The following CCDC141 variants were observed in gnomAD, a reference collection of about 807,000 sequenced individuals.
The protein encoded by CCDC141 is coiled-coil domain containing 141, also known as coiled-coil domain-containing protein 141.
A neutral mutation model predicts 181.0 loss-of-function variants in CCDC141; 168 were observed. The ratio of observed to expected loss-of-function variants is 0.93; its 90% CI spans 0.82 to 1.05. CCDC141 has a LOEUF of 1.05. Ranked by LOEUF, CCDC141 falls within the 50% of genes least tolerant of loss-of-function variation. The pLI, the probability that CCDC141 is intolerant of heterozygous loss-of-function variation, is 0.00. For synonymous variants in CCDC141, 666 were observed against 642.3 expected (o/e 1.04, Z -0.56); for missense variants, 1,902 against 1,788.5 (o/e 1.06, Z -1.14).
intron 2 of CCDC141, among the ~76,000 whole-genome samples, chr2:178,979,607 G>T (rs1691276717): frequency 6.6e-6 from 1 of 152,054 alleles, no homozygotes; most frequent in South Asian, 2.1e-4. Context: ...TCCCTAAAAA[G>T]AAATACTTTT....
intron 7 of CCDC141, among the ~76,000 whole-genome samples, chr2:178,908,481 C>T (rs749023169): frequency 5.3e-5 from 8 of 152,160 alleles, no homozygotes; most frequent in African/African-American, 4.8e-5. Flanking sequence ...TGTGAGCCAC[C>T]GCGCCCAGCC....
intron 5 of CCDC141, among the ~76,000 whole-genome samples, chr2:178,949,966 C>T (rs1689883211): frequency 6.6e-6 from 1 of 152,186 alleles, no homozygotes; most frequent in South Asian, 2.1e-4. Flanking sequence ...ATTTGTTCTA[C>T]AATATGAAAT....
chr2:178,963,015 C>A (rs898602664), intron 4 of CCDC141, among the ~76,000 whole-genome samples: 12 of 152,284 alleles, frequency 7.9e-5, no homozygotes, highest in Middle Eastern at 3.4e-3. Context: ...TCTGTCTTTG[C>A]CACTAGGCTC....
chr2:178,886,080 G>T (rs1460270807), intron 10 of CCDC141, among the ~76,000 whole-genome samples: 1 of 152,194 alleles, frequency 6.6e-6, no homozygotes, highest in Non-Finnish European at 1.5e-5. Context: ...GTGTTTGTGA[G>T]TTTCCGGTGG....
At chr2:178,899,005 G>C (rs1687548913) in intron 8 of CCDC141, among the ~76,000 whole-genome samples, 1 of 151,998 alleles carries the variant, frequency 6.6e-6, no homozygotes, top group South Asian at 2.1e-4. Flanking sequence ...ATTACCCTCA[G>C]TATTTTTTTA....
At chr2:178,872,391 G>C in intron 12 of CCDC141, 79 bp from the exon 13 acceptor site, 1 of 1,303,106 alleles carries the variant, frequency 7.7e-7, no homozygotes, top group Non-Finnish European at 1.1e-6. Flanking sequence ...TATTTTACGA[G>C]GCAAATTCTT....
At chr2:178,879,954 TA>T (rs548689104) in intron 11 of CCDC141, among the ~76,000 whole-genome samples, 260 of 152,234 alleles carry the variant, frequency 1.7e-3, no homozygotes, top group Middle Eastern at 3.4e-3. Context: ...CGTGCTGGGA[TA>T]AAACTGGCCA....
intron 11 of CCDC141, 44 bp downstream of exon 11, chr2:178,884,857 G>A: frequency 6.8e-7 from 1 of 1,468,616 alleles, no homozygotes; most frequent in South Asian, 1.2e-5. Flanking sequence ...AAGGACATGG[G>A]CAGTGGCCAC....
chr2:178,913,151 AG>A (rs1688293733), intron 7 of CCDC141, among the ~76,000 whole-genome samples: 1 of 152,236 alleles, frequency 6.6e-6, no homozygotes, highest in African/African-American at 2.4e-5. Flanking sequence ...TGGCAAGAAT[AG>A]GAACACAACA....
At chr2:178,836,052 T>C (rs1343126893) in intron 23 of CCDC141, 1 of 152,636 alleles carries the variant, frequency 6.6e-6, no homozygotes, top group Admixed American at 6.5e-5. Flanking sequence ...AATGCTATTT[T>C]ACTTAATCTT....
intron 2 of CCDC141, among the ~76,000 whole-genome samples, chr2:178,994,327 G>A (rs1337710521): frequency 6.6e-6 from 1 of 152,230 alleles, no homozygotes; most frequent in Non-Finnish European, 1.5e-5. Context: ...TGACTTCTGT[G>A]TACCCACAGG....
chr2:178,856,515 G>T, intron 17 of CCDC141, 118 bp from the exon 18 acceptor site: 43 of 693,446 alleles, frequency 6.2e-5, no homozygotes, highest in South Asian at 3.6e-4. Flanking sequence ...AGGTATTTAG[G>T]GTAATTTTCC....
chr2:178,924,859 C>T (rs1018579552), intron 6 of CCDC141, among the ~76,000 whole-genome samples: 2 of 152,154 alleles, frequency 1.3e-5, no homozygotes, highest in Non-Finnish European at 2.9e-5. Flanking sequence ...TGCGACTGAA[C>T]CAGGGAGAGC....
chr2:179,016,201 A>C (rs2042536704), intron 2 of CCDC141, among the ~76,000 whole-genome samples: 1 of 136,384 alleles, frequency 7.3e-6, no homozygotes, highest in African/African-American at 2.7e-5. Context: ...TGGGGGGAAG[A>C]GTGAGGGGGG....
intron 6 of CCDC141, among the ~76,000 whole-genome samples, chr2:178,932,634 C>A (rs188729260): frequency 8.5e-5 from 13 of 152,270 alleles, no homozygotes; most frequent in African/African-American, 2.2e-4. Flanking sequence ...TATGTGCACA[C>A]AATACACAAT....
In CCDC141 at chr2:178,860,543, CTTTTTTTTTTTT is replaced by C. The variant is rs71023458; in HGVS notation, c.2725-4158_2725-4147del. On this transcript the variant is annotated intron_variant, in intron 17 of 23. Coordinates refer to ENST00000443758, the MANE Select transcript of CCDC141 (RefSeq NM_173648.4). ...GCGAGACTCAAAAAAAAAAACAACA[CTTTTTTTTTTTT>C]TTTTTTTTTTTTTTTTTGGTAGAGG... Among the ~76,000 whole-genome samples, 151 of 51,352 alleles carry C rather than the reference CTTTTTTTTTTTT, an allele frequency of 2.9e-3. 1 individual carries two copies. Among genetic ancestry groups the C allele is most frequent in the African/African-American group, 0.011 (130 of 11,860 alleles). 33.7% of individuals were successfully genotyped at this position (51,352 alleles called of 152,430 possible).
chr2:178,881,911 T>A (rs1343567603), intron 11 of CCDC141, among the ~76,000 whole-genome samples: 11 of 107,242 alleles, frequency 1.0e-4, no homozygotes, highest in East Asian at 4.9e-4. Flanking sequence ...TCTCTCTCTC[T>A]CTCTCACACA....
chr2:179,034,825 T>C (rs1483473384), intron 2 of CCDC141, among the ~76,000 whole-genome samples: 1 of 152,234 alleles, frequency 6.6e-6, no homozygotes, highest in Non-Finnish European at 1.5e-5. Context: ...CTTAAATGTT[T>C]ACTGGAAATG....
At chr2:178,856,445 C>T (rs1411462187) in intron 17 of CCDC141, 48 bp from the exon 18 acceptor site, 14 of 1,374,152 alleles carry the variant, frequency 1.0e-5, no homozygotes, top group Non-Finnish European at 1.2e-5. Flanking sequence ...AATGAGAAAA[C>T]AAAGTCACTT....
Sources: gnomAD v4.1 joint callset for allele counts (sites outside exome capture counted in the v4.1 genomes callset) on GRCh38, gnomAD v4.1.1 for gene constraint, MANE v1.5 for transcripts, NCBI Gene and HGNC (gene_info 2026-07-23, HGNC 2026-07-21) for gene names.